DIPK1A: variants seen among roughly 807,000 people sequenced by gnomAD.
DIPK1A encodes family with sequence similarity 69 member A.
In DIPK1A, 27 loss-of-function variants were observed where a neutral mutation model predicts 40.8. That is an observed-to-expected ratio of 0.66 (90% confidence interval 0.49 to 0.91). The LOEUF is 0.91. DIPK1A is among the 40% of genes least tolerant of loss of function. The pLI is 0.00. For synonymous variants in DIPK1A, 166 were observed against 171.3 expected, an observed-to-expected ratio of 0.97 and a Z score of 0.24; for missense variants, 412 against 505.7, an observed-to-expected ratio of 0.81 and a Z score of 1.78.
intron 1 of DIPK1A, among the ~76,000 whole-genome samples, chr1:92,893,329 G>A (rs1226204560): frequency 6.6e-6 from 1 of 151,826 alleles, no homozygotes; most frequent in East Asian, 1.9e-4. Flanking sequence ...CAAGCCAGAA[G>A]AGAGTGGGGG....
chr1:92,936,215 C>T (rs927136919), intron 1 of DIPK1A, among the ~76,000 whole-genome samples: 6 of 152,196 alleles, frequency 3.9e-5, no homozygotes, highest in Non-Finnish European at 7.3e-5. Flanking sequence ...CAGAAAAATG[C>T]AGTACAGAGT....
intron 1 of DIPK1A, among the ~76,000 whole-genome samples, chr1:92,953,081 T>C (rs1037654685): frequency 2.6e-5 from 4 of 152,096 alleles, no homozygotes; most frequent in Non-Finnish European, 5.9e-5. Flanking sequence ...GTTGAATAAA[T>C]ATCAATCTGA....
intron 4 of DIPK1A, chr1:92,834,970 T>G (rs1687060004): frequency 6.3e-7 from 1 of 1,598,434 alleles, no homozygotes; most frequent in Non-Finnish European, 8.5e-7. Flanking sequence ...TGGAGAGTTT[T>G]CTGCAAGATG....
intron 2 of DIPK1A, among the ~76,000 whole-genome samples, chr1:92,864,048 T>C (rs1396767588): frequency 6.6e-6 from 1 of 151,700 alleles, no homozygotes; most frequent in Non-Finnish European, 1.5e-5. Context: ...ACAGCGAGAC[T>C]CCATCTCAAA....
At chr1:92,872,067 A>ATTTT (rs1425508913) in intron 2 of DIPK1A, among the ~76,000 whole-genome samples, 1 of 101,288 alleles carries the variant, frequency 9.9e-6, no homozygotes, top group Non-Finnish European at 2.1e-5. Context: ...TTTTCTTTAA[A>ATTTT]TCTTTTTTTT....
chr1:92,873,842 G>T (rs550787466), intron 2 of DIPK1A, among the ~76,000 whole-genome samples: 1 of 152,210 alleles, frequency 6.6e-6, no homozygotes, highest in East Asian at 1.9e-4. Context: ...CTCTCAAGTA[G>T]GTGGGACAAC....
chr1:92,849,762 C>T (rs970316791), intron 3 of DIPK1A, among the ~76,000 whole-genome samples: 2 of 152,122 alleles, frequency 1.3e-5, no homozygotes, highest in Admixed American at 6.5e-5. Context: ...GACCTACCGC[C>T]TCAGCCTCCC....
At chr1:92,860,646 A>AAAAAAAAAAAAAGCCAGGTG (rs148916481) in intron 2 of DIPK1A, among the ~76,000 whole-genome samples, 17 of 105,204 alleles carry the variant, frequency 1.6e-4, no homozygotes, top group East Asian at 5.8e-4. Context: ...AAAAAAAAAA[A>AAAAAAAAAAAAAGCCAGGTG]TGGTGGTGTG....
At chr1:92,847,482 T>A (rs887176566) in intron 3 of DIPK1A, 123 bp from the exon 4 acceptor site, 5 of 521,724 alleles carry the variant, frequency 9.6e-6, no homozygotes, top group Non-Finnish European at 1.5e-5. Context: ...ACATTGAGGT[T>A]AAGGTGTGAC....
At position 92,843,592 on chromosome 1, in the gene DIPK1A, G is replaced by C; in HGVS notation, c.1078C>G (p.Gln360Glu). 6.4e-7 allele frequency: 1 copy of C among 1,551,918 alleles called. No homozygotes were observed. Among genetic ancestry groups the C allele is most frequent in the Non-Finnish European group, 8.7e-7 (1 of 1,147,020 alleles). The change falls in exon 5 of 5, where the codon CAA becomes GAA. Residue 360 changes from glutamine to glutamate, a missense_variant. Transcript: ENST00000370310. Reference sequence around the variant, plus strand: ...TGACAAGCTTTTGCCAAGTTTGGTTGTATCACTTCTGAAGTACACTTCATT... The same window carrying C: ...TGACAAGCTTTTGCCAAGTTTGGTTCTATCACTTCTGAAGTACACTTCATT... ...STMKCTSEVI[Q>E]PNLAKACQLL...
intron 2 of DIPK1A, among the ~76,000 whole-genome samples, chr1:92,870,205 A>G (rs995522466): frequency 1.3e-5 from 2 of 152,034 alleles, no homozygotes; most frequent in Non-Finnish European, 2.9e-5. Context: ...CATATATTTC[A>G]GATGTCTCTC....
chr1:92,890,580 T>C (rs536020809), intron 1 of DIPK1A, among the ~76,000 whole-genome samples: 2 of 152,262 alleles, frequency 1.3e-5, no homozygotes, highest in South Asian at 2.1e-4. Flanking sequence ...GACCATAAGG[T>C]TTTTGTCTTT....
downstream of DIPK1A, chr1:92,841,766 G>A (rs767272778): frequency 8.1e-6 from 13 of 1,607,890 alleles, no homozygotes; most frequent in African/African-American, 1.3e-4. Flanking sequence ...TCTTTTGTAG[G>A]TGGAACCGTC....
At chr1:92,954,370 C>A (rs1217903439) in intron 1 of DIPK1A, among the ~76,000 whole-genome samples, 4 of 43,530 alleles carry the variant, frequency 9.2e-5, no homozygotes, top group South Asian at 1.4e-3. Context: ...TCTTTTCTTT[C>A]TTTTTTTTTT....
Position 92,842,734 on chromosome 1 carries a change from A to T in DIPK1A, c.*649T>A, listed in dbSNP as rs972499216. The stretch of plus-strand genomic sequence containing the variant: ...AAGATGGGCCCTTTGAATCTTTAGG[A>T]AAGTTCATCCATTTTTAGTCAATAA... On this transcript the variant is annotated 3_prime_UTR_variant, in exon 5 of 5. Transcript: ENST00000370310. 1.0e-6 allele frequency: 1 copy of T among 985,452 alleles called. No homozygotes were observed. Among genetic ancestry groups the T allele is most frequent in the Non-Finnish European group, 1.2e-6 (1 of 829,950 alleles). 61.0% of individuals were successfully genotyped at this position (985,452 alleles called of 1,614,324 possible).
chr1:92,899,678 T>C (rs997011227), intron 1 of DIPK1A, among the ~76,000 whole-genome samples: 8 of 152,226 alleles, frequency 5.3e-5, no homozygotes, highest in African/African-American at 1.9e-4. Context: ...TGGTATTTTG[T>C]AGTGCTATGG....
At position 92,955,379 on chromosome 1, in the gene DIPK1A, T is replaced by C. The variant is rs187283728; in HGVS notation, c.54+5997A>G. On this transcript the variant is annotated intron_variant, in intron 1 of 4. Coordinates refer to ENST00000370310, the MANE Select transcript of DIPK1A (RefSeq NM_001006605.5). ...GTGTAAGTTCATTAACTGTAAAACA[T>C]GTACCATTATGTGGGGGATGTTAAA... 4.8e-4 allele frequency among the ~76,000 whole-genome samples: 73 copies of C among 152,224 alleles called. 1 individual carries two copies. Among genetic ancestry groups the C allele is most frequent in the Middle Eastern group, 3.4e-3 (1 of 294 alleles).
At chr1:92,863,589 A>C (rs868101576) in intron 2 of DIPK1A, among the ~76,000 whole-genome samples, 11 of 148,842 alleles carry the variant, frequency 7.4e-5, no homozygotes, top group Middle Eastern at 3.5e-3. Flanking sequence ...AAAAAAAAAA[A>C]CCCACAAAAA....
chr1:92,921,434 A>G (rs974683897), intron 1 of DIPK1A, among the ~76,000 whole-genome samples: 1 of 152,222 alleles, frequency 6.6e-6, no homozygotes, highest in African/African-American at 2.4e-5. Flanking sequence ...TGTGTTGCAA[A>G]AAAATTGACA....
Sources: gnomAD v4.1 joint callset for allele counts (sites outside exome capture counted in the v4.1 genomes callset) on GRCh38, gnomAD v4.1.1 for gene constraint, MANE v1.5 for transcripts, NCBI Gene and HGNC (gene_info 2026-07-23, HGNC 2026-07-21) for gene names.